Variants in PODXL2 observed in about 807,000 individuals in gnomAD.
The protein encoded by PODXL2 is podocalyxin-like protein 2.
A neutral mutation model predicts 53.4 loss-of-function variants in PODXL2; 17 were observed. The ratio of observed to expected loss-of-function variants is 0.32; its 90% CI spans 0.22 to 0.48. The LOEUF (loss-of-function observed/expected upper bound fraction) is 0.48, where lower values mean the gene tolerates loss of function less well. Ranked by LOEUF, PODXL2 falls within the 20% of genes least tolerant of loss-of-function variation. The pLI, the probability that PODXL2 is intolerant of heterozygous loss-of-function variation, is 0.99. For synonymous variants in PODXL2, 311 were observed against 306.7 expected (o/e 1.01, Z -0.15); for missense variants, 673 against 760.0 (o/e 0.89, Z 1.35).
chr3:127,672,399 C>A lies in PODXL2; in HGVS notation c.1737C>A (p.Gly579=). ...PSLNGGGALN[G]PGSWGALMGG... is the part of the protein sequence containing the mutation. Reference sequence around the variant, plus strand: ...TGAACGGCGGCGGGGCCCTCAACGGCCCGGGGAGCTGGGGGGCGCTCATGG... The same window carrying A: ...TGAACGGCGGCGGGGCCCTCAACGGACCGGGGAGCTGGGGGGCGCTCATGG... The change falls in exon 8 of 8, where the codon GGC becomes GGA. Residue 579 remains glycine (G), a synonymous_variant. Coordinates refer to ENST00000342480, the MANE Select transcript of PODXL2 (RefSeq NM_015720.4). 1 of 1,543,968 alleles carries A rather than the reference C, an allele frequency of 6.5e-7. No individual in the cohort carries two copies. Among genetic ancestry groups the A allele is most frequent in the Non-Finnish European group, 8.7e-7 (1 of 1,145,964 alleles).
intron 5 of PODXL2, 29 bp from the exon 6 acceptor site, chr3:127,669,112 C>T (rs749898272): frequency 6.5e-7 from 1 of 1,546,524 alleles, no homozygotes; most frequent in Non-Finnish European, 8.9e-7. Flanking sequence ...GCCATGGTCA[C>T]ACTGATAGTG....
chr3:127,645,414 T>A (rs1233839842), intron 2 of PODXL2, among the ~76,000 whole-genome samples: 1 of 152,174 alleles, frequency 6.6e-6, no homozygotes, highest in Non-Finnish European at 1.5e-5. Flanking sequence ...TATTCGTCCT[T>A]GAGTACCTAG....
chr3:127,661,233 G>C (rs943436569), intron 3 of PODXL2, 74 bp downstream of exon 3: 48 of 1,166,768 alleles, frequency 4.1e-5, no homozygotes, highest in Middle Eastern at 4.1e-4. Flanking sequence ...GGCTAGTGTG[G>C]CATGGGGGCA....
At chr3:127,659,772 G>A (rs774533003) in intron 2 of PODXL2, among the ~76,000 whole-genome samples, 15 of 152,190 alleles carry the variant, frequency 9.9e-5, no homozygotes, top group Non-Finnish European at 1.8e-4. Context: ...ATTCTGGGAG[G>A]CCCTGGAAAA....
At chr3:127,658,168 G>A (rs2074737808) in intron 2 of PODXL2, among the ~76,000 whole-genome samples, 2 of 152,174 alleles carry the variant, frequency 1.3e-5, no homozygotes, top group African/African-American at 2.4e-5. Context: ...GGACTGGATA[G>A]AATATTCTAA....
chr3:127,635,939 G>C lies in PODXL2; in HGVS notation c.71-3306G>C, dbSNP rs1051790213. Among the ~76,000 whole-genome samples the C allele has an allele frequency of 3.3e-5, 5 of 152,206 alleles. No homozygotes were observed. The South Asian group carries it at 1.0e-3, about 31-fold the overall frequency. ...CTCTCTCACTTTGGGACTTCAGCTA[G>C]GACACTGAGCTGATCTGGCTCTCTT... On this transcript the variant is annotated intron_variant, in intron 1 of 7. Coordinates refer to ENST00000342480, the MANE Select transcript of PODXL2 (RefSeq NM_015720.4).
At chr3:127,663,266 A>T (rs1030537827) in intron 4 of PODXL2, among the ~76,000 whole-genome samples, 1 of 152,168 alleles carries the variant, frequency 6.6e-6, no homozygotes, top group Non-Finnish European at 1.5e-5. Context: ...ATTCCGGGGC[A>T]TCTGGGGAGT....
At chr3:127,648,149 T>C (rs759238099) in intron 2 of PODXL2, among the ~76,000 whole-genome samples, 56 of 152,310 alleles carry the variant, frequency 3.7e-4, no homozygotes, top group Non-Finnish European at 7.2e-4. Context: ...CTAAATGACA[T>C]AGTGGCAGAG....
chr3:127,670,339 T>C (rs1420576672), intron 6 of PODXL2, among the ~76,000 whole-genome samples: 1 of 152,180 alleles, frequency 6.6e-6, no homozygotes, highest in Non-Finnish European at 1.5e-5. Context: ...ACCACACTGC[T>C]CTACTGCCTG....
chr3:127,647,740 C>T (rs936412122), intron 2 of PODXL2, among the ~76,000 whole-genome samples: 2 of 152,206 alleles, frequency 1.3e-5, no homozygotes, highest in African/African-American at 4.8e-5. Context: ...TCCACACTGT[C>T]GTCCCATCAC....
Position 127,672,403 on chromosome 3 carries a change from G to A in PODXL2, c.1741G>A (p.Gly581Arg), listed in dbSNP as rs1421588351. 3 of 1,543,292 alleles carry A rather than the reference G, an allele frequency of 1.9e-6. No individual in the cohort carries two copies. The highest frequency in any genetic ancestry group is 1.4e-5 in the African/African-American group (1 of 72,968). The change falls in exon 8 of 8, where the codon GGG (glycine) becomes AGG (arginine). Residue 581 changes from glycine (G) to arginine (R), a missense_variant. Gly to Arg is a moderately radical substitution (Grantham distance 125). Transcript: ENST00000342480. ...LNGGGALNGP[G>R]SWGALMGGKR... ...CGGCGGCGGGGCCCTCAACGGCCCG[G>A]GGAGCTGGGGGGCGCTCATGGGGGG...
At chr3:127,640,438 C>G (rs1324183447) in intron 2 of PODXL2, among the ~76,000 whole-genome samples, 1 of 152,098 alleles carries the variant, frequency 6.6e-6, no homozygotes, top group South Asian at 2.1e-4. Flanking sequence ...TGGTGGCTCA[C>G]GTCTGTAATC....
rs949249636 is a variant in PODXL2 at position 127,672,444 on chromosome 3, G to A, written c.1782G>A (p.Glu594=). 3 of 1,537,204 alleles carry A rather than the reference G, an allele frequency of 2.0e-6. No individual in the cohort carries two copies. Among genetic ancestry groups the A allele is most frequent in the Non-Finnish European group, 2.6e-6 (3 of 1,143,980 alleles). Residue 594 remains glutamate (E), a synonymous_variant, in exon 8 of 8, where the codon GAG becomes GAA. Coordinates refer to ENST00000342480, the MANE Select transcript of PODXL2 (RefSeq NM_015720.4). ...TCATGGGGGGCAAGCGGGACCCCGA[G>A]GACTCGGACGTGTTCGAGGAGGACA... is the stretch of plus-strand genomic sequence containing the variant. The part of the protein sequence containing the change: ...GALMGGKRDP[E]DSDVFEEDTH...
At chr3:127,668,793 T>G (rs2074812441) in intron 5 of PODXL2, among the ~76,000 whole-genome samples, 196 bp downstream of exon 5, 1 of 151,936 alleles carries the variant, frequency 6.6e-6, no homozygotes, top group African/African-American at 2.4e-5. Flanking sequence ...GGTGTGAGAA[T>G]TAAGGATGGG....
rs2074854500 is a variant in PODXL2 at position 127,672,362 on chromosome 3, A to G, written c.1700A>G (p.Lys567Arg). 1.9e-6 allele frequency: 3 copies of G among 1,549,512 alleles called. No individual in the cohort carries two copies. Among genetic ancestry groups the G allele is most frequent in the Non-Finnish European group, 2.6e-6 (3 of 1,147,630 alleles). Residue 567 changes from lysine to arginine, a missense_variant, in exon 8 of 8, where the codon AAG becomes AGG. By Grantham distance (26) the Lys-to-Arg change is conservative (BLOSUM62 2). This residue lies in a region of PODXL2 where 79 missense variants were observed against 70.5 expected (regional missense o/e 1.12). Coordinates refer to ENST00000342480, the MANE Select transcript of PODXL2 (RefSeq NM_015720.4). ...GACAGCCAGTCGGAGATGCAGGAGA[A>G]GCACCCCAGCCTGAACGGCGGCGGG... ...ASDSQSEMQE[K>R]HPSLNGGGAL...
intron 2 of PODXL2, among the ~76,000 whole-genome samples, chr3:127,653,251 C>T (rs1170023505): frequency 6.6e-6 from 1 of 152,188 alleles, no homozygotes; most frequent in Non-Finnish European, 1.5e-5. Context: ...TCCTTCCTGC[C>T]ACAGGGCTCT....
intron 1 of PODXL2, among the ~76,000 whole-genome samples, chr3:127,632,440 A>G (rs111538647): frequency 1.3e-5 from 2 of 152,326 alleles, no homozygotes; most frequent in Admixed American, 6.5e-5. Flanking sequence ...GGCTGAAGTA[A>G]TATCTTTCCC....
At position 127,639,559 on chromosome 3, in the gene PODXL2, C is replaced by A. The variant is rs756425939; in HGVS notation, c.349+36C>A. 3.6e-5 allele frequency: 56 copies of A among 1,563,662 alleles called. No individual in the cohort carries two copies. In the Middle Eastern group the frequency reaches 1.4e-3, roughly 38 times the overall value. ...TTACCTACAGAGCATGTGTTGAGTG[C>A]CAGCCAAGTGTCTAGGCAAAACACC... On this transcript the variant is annotated intron_variant, in intron 2 of 7. Transcript: ENST00000342480.
chr3:127,662,578 G>A (rs748514814), intron 4 of PODXL2, among the ~76,000 whole-genome samples: 19 of 152,156 alleles, frequency 1.2e-4, no homozygotes, highest in South Asian at 2.1e-4. Context: ...TACCTCTCCC[G>A]TGATATTGAA....
Sources: gnomAD v4.1 joint callset for allele counts (sites outside exome capture counted in the v4.1 genomes callset) on GRCh38, gnomAD v4.1.1 for gene constraint, gnomAD v4.1.1 regional missense constraint, MANE v1.5 for transcripts, NCBI Gene and HGNC (gene_info 2026-07-23, HGNC 2026-07-21) for gene names.